PTPN21: variants seen among roughly 807,000 people sequenced by gnomAD.
PTPN21 encodes protein tyrosine phosphatase non-receptor type 21, also known as tyrosine-protein phosphatase non-receptor type 21.
In PTPN21, 77 loss-of-function variants were observed where a neutral mutation model predicts 131.8. The ratio of observed to expected loss-of-function variants is 0.58; its 90% CI spans 0.49 to 0.71. PTPN21 has a LOEUF of 0.71. Among genes scored for constraint, PTPN21 ranks in the 30% least tolerant of loss-of-function variants. PTPN21 has a pLI of 0.00. For synonymous variants in PTPN21, 715 were observed against 621.3 expected (o/e 1.15, Z -2.24); for missense variants, 1,552 against 1,527.1 (o/e 1.02, Z -0.27).
At chr14:88,534,033 T>C (rs2078591843) in intron 2 of PTPN21, among the ~76,000 whole-genome samples, 1 of 150,776 alleles carries the variant, frequency 6.6e-6, no homozygotes, top group South Asian at 2.1e-4. Flanking sequence ...ATCCTGACCC[T>C]GTTTAAGGCT....
chr14:88,538,888 A>T (rs575842164), intron 2 of PTPN21, among the ~76,000 whole-genome samples: 1 of 152,354 alleles, frequency 6.6e-6, no homozygotes, highest in African/African-American at 2.4e-5. Context: ...AGATCAAAAT[A>T]AGCAAAAACA....
intron 8 of PTPN21, among the ~76,000 whole-genome samples, chr14:88,498,752 G>A (rs1415414428): frequency 6.6e-6 from 1 of 152,058 alleles, no homozygotes; most frequent in Non-Finnish European, 1.5e-5. Flanking sequence ...CTCAAAGAGT[G>A]AACTATTCTG....
chr14:88,521,035 G>C (rs1452028935), intron 2 of PTPN21, among the ~76,000 whole-genome samples: 1 of 151,892 alleles, frequency 6.6e-6, no homozygotes, highest in Non-Finnish European at 1.5e-5. Flanking sequence ...TTGGTCAAGA[G>C]AGGGTCTCAC....
At chr14:88,516,531 G>T (rs1266807478) in intron 3 of PTPN21, among the ~76,000 whole-genome samples, 2 of 152,058 alleles carry the variant, frequency 1.3e-5, no homozygotes, top group African/African-American at 4.8e-5. Context: ...AAAAGAATAA[G>T]AACACTTAGT....
chr14:88,509,220 T>C (rs1187823764), intron 3 of PTPN21, among the ~76,000 whole-genome samples: 3 of 152,184 alleles, frequency 2.0e-5, no homozygotes, highest in East Asian at 1.9e-4. Context: ...GGGTCTATTA[T>C]ATGTTAAGCA....
chr14:88,494,123 A>AG (rs559514594), intron 10 of PTPN21, among the ~76,000 whole-genome samples: 62 of 152,280 alleles, frequency 4.1e-4, no homozygotes, highest in African/African-American at 1.4e-3. Flanking sequence ...TCATAGTGGA[A>AG]GGGGGGTACC....
chr14:88,543,006 A>G (rs1595417844), intron 2 of PTPN21, among the ~76,000 whole-genome samples: 1 of 152,214 alleles, frequency 6.6e-6, no homozygotes. Flanking sequence ...TATATCAGCT[A>G]TTTTTAGAGT....
intron 2 of PTPN21, among the ~76,000 whole-genome samples, chr14:88,534,193 G>A (rs1209136889): frequency 1.4e-5 from 2 of 146,190 alleles, no homozygotes; most frequent in African/African-American, 5.1e-5. Flanking sequence ...GGCCAACGCG[G>A]CAAAAACCCA....
intron 8 of PTPN21, among the ~76,000 whole-genome samples, chr14:88,500,478 T>A (rs2077991449): frequency 6.6e-6 from 1 of 152,056 alleles, no homozygotes; most frequent in African/African-American, 2.4e-5. Flanking sequence ...AGAGCTCAAA[T>A]TAAACATTCA....
chr14:88,520,613 T>A (rs1283953797), intron 2 of PTPN21, among the ~76,000 whole-genome samples: 1 of 152,202 alleles, frequency 6.6e-6, no homozygotes, highest in African/African-American at 2.4e-5. Flanking sequence ...TTTCTTTTTT[T>A]AAACTGCAAC....
rs534662426 is a variant in PTPN21, at chr14:88,485,619, G to A, written c.993+163C>T. Among the ~76,000 whole-genome samples, 104 of 151,896 alleles carry A rather than the reference G, an allele frequency of 6.8e-4. 1 individual carries two copies. Among genetic ancestry groups the A allele is most frequent in the African/African-American group, 2.4e-3 (98 of 41,474 alleles). On this transcript the variant is annotated intron_variant, in intron 11 of 18. Transcript: ENST00000556564. ...GTATAATATAATAATATAAATATTA[G>A]GTTGGACCTATGGGAAAAAATTACC...
intron 2 of PTPN21, among the ~76,000 whole-genome samples, chr14:88,520,881 T>C (rs1169732849): frequency 6.6e-6 from 1 of 152,176 alleles, no homozygotes; most frequent in East Asian, 1.9e-4. Context: ...TTGCACTCTA[T>C]CACTCAGGCG....
chr14:88,536,368 T>C (rs1349352045), intron 2 of PTPN21, among the ~76,000 whole-genome samples: 1 of 152,248 alleles, frequency 6.6e-6, no homozygotes, highest in African/African-American at 2.4e-5. Context: ...CTTTGTAAAC[T>C]ACAGTAAAAA....
chr14:88,525,985 A>C (rs2078468921), intron 2 of PTPN21, among the ~76,000 whole-genome samples: 1 of 152,200 alleles, frequency 6.6e-6, no homozygotes, highest in African/African-American at 2.4e-5. Flanking sequence ...TTTATATGAA[A>C]CATCTGAATA....
intron 10 of PTPN21, among the ~76,000 whole-genome samples, chr14:88,489,912 AG>A (rs1378234548): frequency 6.6e-6 from 1 of 151,822 alleles, no homozygotes; most frequent in Non-Finnish European, 1.5e-5. Context: ...GGGATGGGAG[AG>A]GAACAAAGCC....
Position 88,485,168 on chromosome 14 carries a change from A to G in PTPN21, c.994-8T>C. 2.6e-6 allele frequency: 4 copies of G among 1,561,760 alleles called. No individual in the cohort carries two copies. The highest frequency in any genetic ancestry group is 3.5e-6 in the Non-Finnish European group (4 of 1,141,946). ...GTAGGGCTGGGGTTTAGGCTAAGAA[A>G]TGGAGAGTTTGACACAGGGTTGAAA... On this transcript the variant is annotated splice_polypyrimidine_tract_variant and splice_region_variant and intron_variant, in intron 11 of 18. Transcript: ENST00000556564.
At chr14:88,539,513 G>A (rs2078676321) in intron 2 of PTPN21, among the ~76,000 whole-genome samples, 2 of 152,094 alleles carry the variant, frequency 1.3e-5, no homozygotes, top group African/African-American at 4.8e-5. Context: ...CTCCCGAACT[G>A]CCGGGATTAC....
chr14:88,535,676 G>A (rs1158122027), intron 2 of PTPN21, among the ~76,000 whole-genome samples: 1 of 152,176 alleles, frequency 6.6e-6, no homozygotes, highest in Non-Finnish European at 1.5e-5. Flanking sequence ...CTTGAATCAA[G>A]CATGCTTCTT....
chr14:88,522,096 C>G (rs898436986), intron 2 of PTPN21, among the ~76,000 whole-genome samples: 1 of 152,018 alleles, frequency 6.6e-6, no homozygotes, highest in African/African-American at 2.4e-5. Context: ...AAGAGAGTAG[C>G]GAGAACTTTA....
Sources: gnomAD v4.1 joint callset for allele counts (sites outside exome capture counted in the v4.1 genomes callset) on GRCh38, gnomAD v4.1.1 for gene constraint, MANE v1.5 for transcripts, NCBI Gene and HGNC (gene_info 2026-07-23, HGNC 2026-07-21) for gene names.